Variants in EPHA1 observed in about 807,000 individuals in gnomAD.
The protein encoded by EPHA1 is EPH receptor A1.
EPHA1 carries 92 observed loss-of-function variants against 110.1 expected under a neutral mutation model. That is an observed-to-expected ratio of 0.84 (90% CI 0.71 to 0.99). The LOEUF (loss-of-function observed/expected upper bound fraction) is 0.99, where lower values mean the gene tolerates loss of function less well. Among genes scored for constraint, EPHA1 ranks in the 50% least tolerant of loss-of-function variants. EPHA1 has a pLI of 0.00. For synonymous variants in EPHA1, 500 were observed against 516.1 expected, an observed-to-expected ratio of 0.97 and a Z score of 0.42; for missense variants, 1,204 against 1,285.4, an observed-to-expected ratio of 0.94 and a Z score of 0.97.
At chr7:143,402,046 T>A (rs2116632776) in intron 2 of EPHA1, among the ~76,000 whole-genome samples, 2 of 152,082 alleles carry the variant, frequency 1.3e-5, no homozygotes, top group Non-Finnish European at 2.9e-5. Context: ...GTCTCCCAAG[T>A]AGCTGGGACT....
Position 143,394,196 on chromosome 7 carries a change from C to G in EPHA1, c.2500G>C (p.Glu834Gln). The G allele has an allele frequency of 6.2e-7, 1 of 1,612,262 alleles. No individual in the cohort carries two copies. The highest frequency in any genetic ancestry group is 8.5e-7 in the Non-Finnish European group (1 of 1,178,632). ...GAGGAAGAATATTCTGGGCTCACCTCCTGATTGCTCATCTCCCCATAAGGC... is the reference window on the plus strand; with the variant it reads ...GAGGAAGAATATTCTGGGCTCACCTGCTGATTGCTCATCTCCCCATAAGGC... ...DKPYGEMSNQ[E>Q]VMKSIEDGYR... The change falls in exon 15 of 18, where the codon GAG becomes CAG. Residue 834 changes from glutamate to glutamine, a missense_variant and splice_region_variant. Transcript: ENST00000275815.
At chr7:143,396,756 G>A (rs1265344940) in intron 10 of EPHA1, 12 of 440,182 alleles carry the variant, frequency 2.7e-5, no homozygotes, top group Admixed American at 1.0e-4. Context: ...ATCCACACCC[G>A]CAGAGCATAT....
chr7:143,398,887 CAGGGAG>C lies in EPHA1; in HGVS notation c.1044_1049del (p.Ser349_Leu350del), dbSNP rs762936274. The C allele has an allele frequency of 2.5e-6, 4 of 1,613,290 alleles. No homozygotes were observed. The East Asian group carries it at 8.9e-5, about 36-fold the overall frequency. On this transcript the variant is annotated inframe_deletion, in exon 6 of 18. Transcript: ENST00000275815. ...CCGTATCTGCTGGGGGTTCCCAACG[CAGGGAG>C]AGCTGAGTCCCTGAGGCAGAGAAGC...
chr7:143,392,748 C>T (rs981493627), intron 16 of EPHA1, among the ~76,000 whole-genome samples: 3 of 152,176 alleles, frequency 2.0e-5, no homozygotes, highest in Non-Finnish European at 4.4e-5. Flanking sequence ...TCGAGACCAG[C>T]TTGGCCAACA....
rs535622332 is a variant in EPHA1 at position 143,401,535 on chromosome 7, C to A, written c.221G>T (p.Arg74Leu). ...YMYQDCPMQG[R>L]RDTDHWLRSN... ...GCGAAGCCAGTGGTCAGTGTCTCTG[C>A]GTCCTTGCATTGGGCAGTCCTGGTA... The change falls in exon 3 of 18, where the codon CGC (arginine) becomes CTC (leucine). Residue 74 changes from arginine (R) to leucine (L), a missense_variant. Transcript: ENST00000275815. The surrounding 1 kb of genome is among the most constrained non-coding windows in gnomAD (Gnocchi z 4.1). 7.4e-6 allele frequency: 12 copies of A among 1,614,010 alleles called. No homozygotes were observed. In the East Asian group the frequency reaches 2.0e-4, roughly 27 times the overall value.
chr7:143,398,964 C>A lies in EPHA1; in HGVS notation c.992-19G>T. The A allele has an allele frequency of 6.4e-7, 1 of 1,571,306 alleles. No individual in the cohort carries two copies. The highest frequency in any genetic ancestry group is 1.2e-5 in the South Asian group (1 of 85,460). ...GGGGGACCTGTGGGAGAAGAGGAGC[C>A]ATCAGTAGAAGCCGACCTCGCTGTC... On this transcript the variant is annotated intron_variant, in intron 5 of 17. Transcript: ENST00000275815.
At position 143,398,639 on chromosome 7, in the gene EPHA1, T is replaced by C. The variant is rs149068255; in HGVS notation, c.1298A>G (p.His433Arg). The change falls in exon 6 of 18, where the codon CAT becomes CGT. Residue 433 changes from histidine to arginine, a missense_variant. Physicochemically the swap from His to Arg is conservative, Grantham distance 29 (BLOSUM62 0). Transcript: ENST00000275815. ...GCTGATGCTGACTGAGGTGCTGGCA[T>C]GGCCAGAGCTGCCCAGCCCTGACAC... is the stretch of plus-strand genomic sequence containing the variant. ...NGVSGLGSSG[H>R]ASTSVSISMG... The C allele has an allele frequency of 1.2e-6, 2 of 1,613,976 alleles. No individual in the cohort carries two copies. The highest frequency in any genetic ancestry group is 2.7e-5 in the African/African-American group (2 of 74,926).
At chr7:143,402,566 G>A (rs1401149236) in intron 2 of EPHA1, among the ~76,000 whole-genome samples, 1 of 152,160 alleles carries the variant, frequency 6.6e-6, no homozygotes, top group African/African-American at 2.4e-5. Flanking sequence ...CTAATTTTTT[G>A]TATTTTTAGT....
At position 143,398,647 on chromosome 7, in the gene EPHA1, G is replaced by A. The variant is rs1341471696; in HGVS notation, c.1290C>T (p.Ser430=). ...TGACTGAGGTGCTGGCATGGCCAGAGCTGCCCAGCCCTGACACTCCATTTT... is the reference window on the plus strand; with the variant it reads ...TGACTGAGGTGCTGGCATGGCCAGAACTGCCCAGCCCTGACACTCCATTTT... ...EAQNGVSGLG[S]SGHASTSVSI... Residue 430 remains serine, a synonymous_variant, in exon 6 of 18, where the codon AGC becomes AGT. Transcript: ENST00000275815. The A allele has an allele frequency of 6.2e-7, 1 of 1,613,976 alleles. No homozygotes were observed. Among genetic ancestry groups the A allele is most frequent in the East Asian group, 2.2e-5 (1 of 44,886 alleles).
At position 143,408,718 on chromosome 7, in the gene EPHA1, C is replaced by A; in HGVS notation, c.82+6G>T. ...GGGTTGGGGGCGCGGGGGCGGGGGT[C>A]GGTACCTTCCTTGGCGCGCGCCCCC... On this transcript the variant is annotated splice_donor_region_variant and intron_variant, in intron 1 of 17. Transcript: ENST00000275815. 2 of 739,516 alleles carry A rather than the reference C, an allele frequency of 2.7e-6. No individual in the cohort carries two copies. Among genetic ancestry groups the A allele is most frequent in the Non-Finnish European group, 1.8e-6 (1 of 543,448 alleles). The allele number at this position is 739,516 out of a possible 1,614,324, so 45.8% of individuals were successfully genotyped here.
intron 2 of EPHA1, among the ~76,000 whole-genome samples, chr7:143,404,954 T>A (rs1805505602): frequency 6.7e-6 from 1 of 150,258 alleles, no homozygotes; most frequent in Non-Finnish European, 1.5e-5. Context: ...GGGGCCCTCA[T>A]CCCTACCCTC....
chr7:143,399,556 A>G, intron 4 of EPHA1, 95 bp downstream of exon 4: 1 of 1,572,706 alleles, frequency 6.4e-7, no homozygotes. Context: ...CAGGTTAAAA[A>G]CCCACTGAGG....
At chr7:143,396,245 A>C in intron 11 of EPHA1, 140 bp downstream of exon 11, 1 of 1,192,560 alleles carries the variant, frequency 8.4e-7, no homozygotes, top group South Asian at 1.5e-5. Context: ...AGAGCAGAGC[A>C]GAGTGAGTAC....
rs1805320167 is a variant in EPHA1 at position 143,398,433 on chromosome 7, A to G, written c.1352T>C (p.Leu451Pro). The G allele has an allele frequency of 6.2e-7, 1 of 1,614,170 alleles. No individual in the cohort carries two copies. Among genetic ancestry groups the G allele is most frequent in the Non-Finnish European group, 8.5e-7 (1 of 1,180,002 alleles). The part of the protein sequence containing the change: ...SMGHAESLSG[L>P]SLRLVKKEPR... ...TTCTTTCTTCACCAGTCTCAGAGAC[A>G]GGCCTGACAGTGACTCTGGGGGTCC... is the stretch of plus-strand genomic sequence containing the variant. Residue 451 changes from leucine (L) to proline (P), a missense_variant, in exon 7 of 18, where the codon CTG becomes CCG. Physicochemically the swap from Leu to Pro is moderately conservative, Grantham distance 98. Coordinates refer to ENST00000275815, the MANE Select transcript of EPHA1 (RefSeq NM_005232.5).
At chr7:143,396,085 C>T (rs12539323) in intron 11 of EPHA1, among the ~76,000 whole-genome samples, 22,721 of 152,258 alleles carry the variant, frequency 0.15, 1,995 homozygotes, top group East Asian at 0.26. Flanking sequence ...ACCCTCAGCA[C>T]AGCAGCACCT....
At position 143,395,625 on chromosome 7, in the gene EPHA1, C is replaced by T. The variant is rs1165880727; in HGVS notation, c.1898-121G>A. ...CTGGAGAATCAGAAGCGTGGAGTGC[C>T]CTTCCTGGGACAGGGCGTGGGCTGT... On this transcript the variant is annotated intron_variant, in intron 11 of 17. Coordinates refer to ENST00000275815, the MANE Select transcript of EPHA1 (RefSeq NM_005232.5). This position sits in a 1 kb window ranked among gnomAD's most constrained non-coding sequence, Gnocchi z 4.7. The T allele has an allele frequency of 9.2e-7, 1 of 1,087,342 alleles. No homozygotes were observed. Among genetic ancestry groups the T allele is most frequent in the Non-Finnish European group, 1.3e-6 (1 of 770,098 alleles). 67.4% of individuals were successfully genotyped at this position (1,087,342 alleles called of 1,614,324 possible).
chr7:143,393,591 CAAA>C lies in EPHA1; in HGVS notation c.2696+77_2696+79del. On this transcript the variant is annotated intron_variant, in intron 16 of 17. Coordinates refer to ENST00000275815, the MANE Select transcript of EPHA1 (RefSeq NM_005232.5). This position sits in a 1 kb window ranked among gnomAD's most constrained non-coding sequence, Gnocchi z 5.6. ...TCCAGAGCTCCCCAGGCCCAGCGCT[CAAA>C]GAAGATTGGCTGAATGCCCATTTCC... 6.6e-7 allele frequency: 1 copy of C among 1,511,408 alleles called. No individual in the cohort carries two copies. The allele number at this position is 1,511,408 out of a possible 1,614,324, so 93.6% of individuals were successfully genotyped here. A position where few individuals can be genotyped will look rare whatever the true frequency, so the allele number is the denominator to read the frequency against.
chr7:143,391,141 T>C lies in EPHA1; in HGVS notation c.*316A>G. On this transcript the variant is annotated 3_prime_UTR_variant, in exon 18 of 18. Coordinates refer to ENST00000275815, the MANE Select transcript of EPHA1 (RefSeq NM_005232.5). ...CAGTAGTCAGCTCTTTTGTAGTGCC[T>C]GCAGCCCTCATGGGTGGGATGGAGG... 2.7e-6 allele frequency: 1 copy of C among 375,542 alleles called. No homozygotes were observed. The highest frequency in any genetic ancestry group is 4.9e-6 in the Non-Finnish European group (1 of 205,560). The allele number at this position is 375,542 out of a possible 1,614,324, so 23.3% of individuals were successfully genotyped here.
At chr7:143,397,532 G>T (rs1805288158) in intron 9 of EPHA1, 29 bp downstream of exon 9, 7 of 1,612,428 alleles carry the variant, frequency 4.3e-6, no homozygotes, top group African/African-American at 1.3e-5. Flanking sequence ...CCCAGGGCTG[G>T]TGGTTGGGGA....
Sources: gnomAD v4.1 joint callset for allele counts (sites outside exome capture counted in the v4.1 genomes callset) on GRCh38, gnomAD v4.1.1 for gene constraint, Gnocchi (gnomAD v3.1) non-coding constraint, MANE v1.5 for transcripts, NCBI Gene and HGNC (gene_info 2026-07-23, HGNC 2026-07-21) for gene names.